Variants in NBEA observed in about 807,000 individuals in gnomAD.
NBEA encodes the protein lysosomal-trafficking regulator 2.
In NBEA, 44 loss-of-function variants were observed where a neutral mutation model predicts 343.4. The observed-to-expected ratio is 0.13, with a 90% confidence interval of 0.10 to 0.16. The LOEUF is 0.16. Ranked by LOEUF, NBEA falls within the 10% of genes least tolerant of loss-of-function variation. NBEA has a pLI of 1.00. For missense variants in NBEA, 2,555 were observed against 3,631.3 expected (o/e 0.70, Z 7.62); for synonymous variants, 1,175 against 1,238.7 (o/e 0.95, Z 1.08).
intron 1 of NBEA, among the ~76,000 whole-genome samples, chr13:34,986,841 C>CT (rs959974985): frequency 7.3e-5 from 11 of 150,450 alleles, no homozygotes; most frequent in African/African-American, 1.9e-4. Flanking sequence ...GCAACCCCTG[C>CT]TTTTTTTTGT....
intron 34 of NBEA, among the ~76,000 whole-genome samples, chr13:35,246,718 C>T (rs1207513647): frequency 6.6e-6 from 1 of 152,108 alleles, no homozygotes; most frequent in African/African-American, 2.4e-5. Flanking sequence ...CTCTGAAGGT[C>T]CTCAGTTGTA....
At chr13:35,322,488 C>T (rs531757149) in intron 36 of NBEA, among the ~76,000 whole-genome samples, 4 of 152,250 alleles carry the variant, frequency 2.6e-5, no homozygotes, top group African/African-American at 9.6e-5. Context: ...GAGCTGGGTA[C>T]CTCAGTTGGA....
At chr13:35,375,301 A>G (rs2041674281) in intron 38 of NBEA, among the ~76,000 whole-genome samples, 1 of 152,136 alleles carries the variant, frequency 6.6e-6, no homozygotes, top group African/African-American at 2.4e-5. Flanking sequence ...ATTTTATTCA[A>G]GAACTTTTAG....
chr13:35,666,426 A>T (rs944109309), intron 56 of NBEA, among the ~76,000 whole-genome samples: 2 of 151,266 alleles, frequency 1.3e-5, no homozygotes, highest in African/African-American at 2.4e-5. Flanking sequence ...AAAAAAAAAA[A>T]AGGAAAATAA....
intron 38 of NBEA, among the ~76,000 whole-genome samples, chr13:35,430,347 G>T (rs2045020596): frequency 6.6e-6 from 1 of 151,952 alleles, no homozygotes; most frequent in Non-Finnish European, 1.5e-5. Flanking sequence ...GATTCCTGTT[G>T]CCCAATGTAT....
intron 40 of NBEA, 109 bp downstream of exon 40, chr13:35,452,344 T>C: frequency 1.3e-6 from 1 of 764,540 alleles, no homozygotes; most frequent in Non-Finnish European, 2.2e-6. Context: ...GTAACAATGC[T>C]CAATCACATG....
chr13:35,223,858 G>A (rs996842191), intron 33 of NBEA, among the ~76,000 whole-genome samples: 17 of 152,096 alleles, frequency 1.1e-4, no homozygotes, highest in Admixed American at 6.6e-5. Flanking sequence ...GTCACACTGG[G>A]CTAAAATGCA....
intron 40 of NBEA, among the ~76,000 whole-genome samples, chr13:35,468,245 G>A (rs886103340): frequency 1.3e-5 from 2 of 151,978 alleles, no homozygotes; most frequent in African/African-American, 4.8e-5. Context: ...GGAGCTCACA[G>A]CTAGGCCATG....
intron 34 of NBEA, among the ~76,000 whole-genome samples, chr13:35,261,495 A>G (rs1183704210): frequency 6.6e-6 from 1 of 152,156 alleles, no homozygotes; most frequent in Non-Finnish European, 1.5e-5. Context: ...TGGGCAACAG[A>G]GCGAGACTCC....
At chr13:35,117,357 T>G (rs1261200744) in intron 13 of NBEA, 57 bp from the exon 14 acceptor site, 1 of 850,300 alleles carries the variant, frequency 1.2e-6, no homozygotes, top group East Asian at 3.6e-5. Flanking sequence ...ATAATTGCAT[T>G]TAGCTAATTT....
chr13:35,056,842 G>A (rs1336989833), intron 7 of NBEA, among the ~76,000 whole-genome samples: 2 of 152,154 alleles, frequency 1.3e-5, no homozygotes, highest in Non-Finnish European at 2.9e-5. Context: ...AGTGATGTGT[G>A]CTTCTATTTT....
At chr13:35,637,227 A>T (rs190252264) in intron 49 of NBEA, among the ~76,000 whole-genome samples, 2 of 152,308 alleles carry the variant, frequency 1.3e-5, no homozygotes, top group East Asian at 3.9e-4. Context: ...GGAAATGCAA[A>T]TCAAAGCTGC....
intron 36 of NBEA, among the ~76,000 whole-genome samples, chr13:35,348,673 T>A (rs1484683589): frequency 1.3e-5 from 2 of 152,034 alleles, no homozygotes; most frequent in Non-Finnish European, 2.9e-5. Context: ...CTGGGCATCC[T>A]ATATTTTTAA....
chr13:35,550,817 G>T, intron 42 of NBEA, 113 bp from the exon 43 acceptor site: 1 of 692,294 alleles, frequency 1.4e-6, no homozygotes, highest in Non-Finnish European at 2.4e-6. Context: ...TTTTCATGAA[G>T]ATTCATTAGC....
intron 49 of NBEA, among the ~76,000 whole-genome samples, chr13:35,643,537 A>C (rs899583828): frequency 6.6e-6 from 1 of 152,218 alleles, no homozygotes; most frequent in Admixed American, 6.5e-5. Context: ...TTCTGTATTC[A>C]CCAAATATTT....
At chr13:35,064,765 C>T (rs1448087595) in intron 8 of NBEA, among the ~76,000 whole-genome samples, 2 of 151,510 alleles carry the variant, frequency 1.3e-5, no homozygotes, top group Admixed American at 1.3e-4. Context: ...AGGACACAGC[C>T]ACACGCAAAG....
chr13:35,506,768 C>G (rs112214087), intron 41 of NBEA, among the ~76,000 whole-genome samples: 8,256 of 152,208 alleles, frequency 0.054, 308 homozygotes, highest in Non-Finnish European at 0.082. Flanking sequence ...CAACCTAGGG[C>G]TCGTTTGATT....
intron 27 of NBEA, among the ~76,000 whole-genome samples, chr13:35,174,942 G>A (rs1566409993): frequency 6.6e-6 from 1 of 151,922 alleles, no homozygotes; most frequent in South Asian, 2.1e-4. Flanking sequence ...ACAGATGTGT[G>A]CCACCACGCC....
rs183880368 is a variant in NBEA, at chr13:35,370,464, T to C, written c.6179+18141T>C. ...TGAGATTCCTGTAAGCAGCATATAG[T>C]TGAGTCATGTTTTTAAACCATTCAG... On this transcript the variant is annotated intron_variant, in intron 38 of 58. Transcript: ENST00000379939. 2.6e-5 allele frequency among the ~76,000 whole-genome samples: 4 copies of C among 152,160 alleles called. No individual in the cohort carries two copies. In the East Asian group the frequency reaches 7.7e-4, roughly 29 times the overall value.
Sources: gnomAD v4.1 joint callset for allele counts (sites outside exome capture counted in the v4.1 genomes callset) on GRCh38, gnomAD v4.1.1 for gene constraint, MANE v1.5 for transcripts, NCBI Gene and HGNC (gene_info 2026-07-23, HGNC 2026-07-21) for gene names.